The following SPON1 variants were observed in gnomAD, a reference collection of about 807,000 sequenced individuals.
SPON1 encodes spondin-1.
In SPON1, 52 loss-of-function variants were observed where a neutral mutation model predicts 111.7. That is an observed-to-expected ratio of 0.47 (90% CI 0.37 to 0.59). The LOEUF (loss-of-function observed/expected upper bound fraction) is 0.59. Among genes scored for constraint, SPON1 ranks in the 20% least tolerant of loss-of-function variants. The pLI is 0.00. For synonymous variants in SPON1, 410 were observed against 395.8 expected (o/e 1.04, Z -0.43); for missense variants, 957 against 1,068.5 (o/e 0.90, Z 1.46).
At chr11:13,994,241 G>A (rs1305233141) in intron 2 of SPON1, among the ~76,000 whole-genome samples, 1 of 152,102 alleles carries the variant, frequency 6.6e-6, no homozygotes, top group Non-Finnish European at 1.5e-5. Context: ...AGCTTAATCA[G>A]TCCCCTTATA....
rs1847923324 is a variant in SPON1, at chr11:14,160,753, T to TATATATATAA, written c.825+25193_825+25194insAAATATATAT. Among the ~76,000 whole-genome samples, 2 of 52,160 alleles carry TATATATATAA rather than the reference T, an allele frequency of 3.8e-5. 1 individual carries two copies. Among genetic ancestry groups the TATATATATAA allele is most frequent in the African/African-American group, 1.5e-4 (2 of 13,092 alleles). 34.2% of individuals were successfully genotyped at this position (52,160 alleles called of 152,430 possible). The stretch of plus-strand genomic sequence containing the variant: ...TATATATATTTAATTTATATATATT[T>TATATATATAA]ATATATATTTATATATTTATATATA... On this transcript the variant is annotated intron_variant, in intron 6 of 15. Transcript: ENST00000576479.
chr11:14,203,855 G>A (rs544251963), intron 6 of SPON1, among the ~76,000 whole-genome samples: 1 of 152,338 alleles, frequency 6.6e-6, no homozygotes, highest in African/African-American at 2.4e-5. Context: ...ATACATTAAT[G>A]CTGGTTCTCT....
chr11:14,161,798 A>G (rs559096855), intron 6 of SPON1, among the ~76,000 whole-genome samples: 137 of 152,308 alleles, frequency 9.0e-4, no homozygotes, highest in African/African-American at 2.5e-3. Flanking sequence ...ATACCATCAT[A>G]AAGTCAAAAA....
chr11:13,987,292 A>G (rs868984087), intron 2 of SPON1, among the ~76,000 whole-genome samples: 78 of 152,214 alleles, frequency 5.1e-4, no homozygotes, highest in Middle Eastern at 3.4e-3. Context: ...TGTGGTTTTG[A>G]TTTGCCTTTC....
chr11:14,041,991 G>A (rs1564891840), intron 3 of SPON1, among the ~76,000 whole-genome samples: 2 of 151,400 alleles, frequency 1.3e-5, no homozygotes, highest in Admixed American at 1.3e-4. Context: ...TTCTTTTCTC[G>A]GAACATACAG....
intron 3 of SPON1, among the ~76,000 whole-genome samples, chr11:14,045,278 T>C (rs1848659703): frequency 6.6e-6 from 1 of 152,158 alleles, no homozygotes; most frequent in African/African-American, 2.4e-5. Context: ...TTTTAAAAAT[T>C]GATTTACACG....
chr11:14,097,056 T>TGC (rs1269103231), intron 5 of SPON1, among the ~76,000 whole-genome samples: 1 of 152,192 alleles, frequency 6.6e-6, no homozygotes, highest in Non-Finnish European at 1.5e-5. Flanking sequence ...TTCCTTCCAT[T>TGC]GCTCACCTAG....
intron 5 of SPON1, among the ~76,000 whole-genome samples, chr11:14,103,461 C>T (rs1193352813): frequency 2.0e-5 from 3 of 152,172 alleles, no homozygotes; most frequent in Non-Finnish European, 4.4e-5. Context: ...CCAGACCCTC[C>T]CTTGGTGATG....
At chr11:14,138,933 G>A (rs1847621306) in intron 6 of SPON1, among the ~76,000 whole-genome samples, 1 of 151,930 alleles carries the variant, frequency 6.6e-6, no homozygotes, top group South Asian at 2.1e-4. Flanking sequence ...CTTATCTCTT[G>A]CCTAAATTGC....
At chr11:14,244,733 A>G (rs1005990264) in intron 7 of SPON1, among the ~76,000 whole-genome samples, 2 of 152,178 alleles carry the variant, frequency 1.3e-5, no homozygotes, top group Non-Finnish European at 2.9e-5. Context: ...GGTGATGGGA[A>G]TAAGACTCTG....
chr11:14,039,759 T>C (rs1848619327), intron 2 of SPON1, among the ~76,000 whole-genome samples: 1 of 152,116 alleles, frequency 6.6e-6, no homozygotes, highest in Non-Finnish European at 1.5e-5. Flanking sequence ...TTCTGCTAAA[T>C]GAAGAATTCC....
intron 5 of SPON1, among the ~76,000 whole-genome samples, chr11:14,100,690 T>A (rs1849136632): frequency 6.6e-6 from 1 of 152,202 alleles, no homozygotes; most frequent in Non-Finnish European, 1.5e-5. Context: ...CTTTGCTTTT[T>A]TACACAACCA....
intron 3 of SPON1, among the ~76,000 whole-genome samples, chr11:14,062,878 C>A (rs547177673): frequency 6.6e-6 from 1 of 152,294 alleles, no homozygotes; most frequent in Non-Finnish European, 1.5e-5. Context: ...AAAGTTTGGG[C>A]CCACCACACT....
At chr11:14,160,431 T>A (rs868938520) in intron 6 of SPON1, among the ~76,000 whole-genome samples, 12 of 24,550 alleles carry the variant, frequency 4.9e-4, no homozygotes, top group African/African-American at 2.4e-3. Flanking sequence ...ATATATATAT[T>A]TATATATATA....
chr11:14,131,762 CAG>C (rs1554927529), intron 5 of SPON1, among the ~76,000 whole-genome samples: 2 of 152,170 alleles, frequency 1.3e-5, no homozygotes, highest in Non-Finnish European at 2.9e-5. Flanking sequence ...GGCCTGGAGC[CAG>C]AGTCTTCTGG....
At chr11:14,074,550 G>A (rs1176726733) in intron 3 of SPON1, among the ~76,000 whole-genome samples, 3 of 152,208 alleles carry the variant, frequency 2.0e-5, no homozygotes, top group African/African-American at 7.2e-5. Context: ...AGTAGAAGTG[G>A]TCCAAGATCC....
chr11:13,964,210 G>A (rs935605980), intron 1 of SPON1, among the ~76,000 whole-genome samples: 5 of 152,246 alleles, frequency 3.3e-5, no homozygotes, highest in Non-Finnish European at 7.3e-5. Context: ...AGGAAGGGAA[G>A]CGAGCCTGTC....
chr11:14,261,802 C>CACTT (rs1849186536), intron 14 of SPON1, among the ~76,000 whole-genome samples: 2 of 152,016 alleles, frequency 1.3e-5, no homozygotes, highest in Non-Finnish European at 2.9e-5. Context: ...ATTTATGGAG[C>CACTT]ACTTACAGGG....
chr11:14,158,214 T>C (rs900168313), intron 6 of SPON1, among the ~76,000 whole-genome samples: 1 of 152,184 alleles, frequency 6.6e-6, no homozygotes, highest in African/African-American at 2.4e-5. Context: ...CTTTTACTTA[T>C]GGTTCACTCT....
Sources: gnomAD v4.1 joint callset for allele counts (sites outside exome capture counted in the v4.1 genomes callset) on GRCh38, gnomAD v4.1.1 for gene constraint, MANE v1.5 for transcripts, NCBI Gene and HGNC (gene_info 2026-07-23, HGNC 2026-07-21) for gene names.